The following MROH1 variants were observed in gnomAD, a reference collection of about 807,000 sequenced individuals.
The protein encoded by MROH1 is maestro heat-like repeat-containing protein family member 1.
A neutral mutation model predicts 116.5 loss-of-function variants in MROH1; 117 were observed. The ratio of observed to expected loss-of-function variants is 1.00; its 90% CI spans 0.86 to 1.17. The LOEUF (loss-of-function observed/expected upper bound fraction) is 1.17, where lower values mean the gene tolerates loss of function less well. Among genes scored for constraint, MROH1 ranks in the 50% most tolerant of loss-of-function variants. MROH1 has a pLI of 0.00. For synonymous variants in MROH1, 921 were observed against 583.9 expected (o/e 1.58, Z -8.32); for missense variants, 1,873 against 1,338.5 (o/e 1.40, Z -6.23).
Position 144,192,320 on chromosome 8 carries a change from G to C in MROH1, c.867G>C (p.Gln289His), listed in dbSNP as rs1828830520. The C allele has an allele frequency of 6.3e-7, 1 of 1,595,368 alleles. No individual in the cohort carries two copies. Among genetic ancestry groups the C allele is most frequent in the Non-Finnish European group, 8.5e-7 (1 of 1,173,686 alleles). ...ETFYLSKSLG[Q>H]ILEAAVSVGS... ...CCTACCCGGAGCAGAGCCTGGGCCA[G>C]ATCCTCGAGGCAGCTGTGAGTGTGG... The change falls in exon 10 of 44, where the codon CAG (glutamine) becomes CAC (histidine). Residue 289 changes from glutamine to histidine, a missense_variant. Transcript: ENST00000326134.
chr8:144,260,381 TGGTTGGGGCAGGGGGA>T lies in MROH1; in HGVS notation c.4380+10_4380+25del. ...CCGGCCTTTCTTCGACAGTGTAGGC[TGGTTGGGGCAGGGGGA>T]GGGAAGAGGGCCCCAGCCCTTCCTG... On this transcript the variant is annotated splice_region_variant and intron_variant, in intron 39 of 43. Coordinates refer to ENST00000326134, the MANE Select transcript of MROH1 (RefSeq NM_032450.3). The T allele has an allele frequency of 1.4e-6, 1 of 713,444 alleles. No individual in the cohort carries two copies. The highest frequency in any genetic ancestry group is 2.6e-6 in the Non-Finnish European group (1 of 390,236). The allele number at this position is 713,444 out of a possible 1,614,324, so 44.2% of individuals were successfully genotyped here.
chr8:144,185,858 G>A lies in MROH1; in HGVS notation c.563-4926G>A, dbSNP rs1185226182. Among the ~76,000 whole-genome samples the A allele has an allele frequency of 3.7e-3, 480 of 128,526 alleles. 7 individuals carry two copies. Among genetic ancestry groups the A allele is most frequent in the African/African-American group, 0.013 (444 of 33,672 alleles). The allele number at this position is 128,526 out of a possible 152,430, so 84.3% of individuals were successfully genotyped here. A position where few individuals can be genotyped will look rare whatever the true frequency, so the allele number is the denominator to read the frequency against. On this transcript the variant is annotated intron_variant, in intron 7 of 43. Transcript: ENST00000326134. ...GGCAGTGTGGGAACCACGGGGGGGCGGTGAGGGGCAGTGCAGGGACCGTGG... is the reference window on the plus strand; with the variant it reads ...GGCAGTGTGGGAACCACGGGGGGGCAGTGAGGGGCAGTGCAGGGACCGTGG...
At chr8:144,218,296 T>G (rs1835720748) in intron 12 of MROH1, among the ~76,000 whole-genome samples, 1 of 151,968 alleles carries the variant, frequency 6.6e-6, no homozygotes, top group African/African-American at 2.4e-5. Context: ...TGCCGAGGTG[T>G]TTTCCAAAGT....
intron 12 of MROH1, among the ~76,000 whole-genome samples, chr8:144,203,989 G>A (rs180929161): frequency 3.0e-4 from 46 of 152,208 alleles, no homozygotes; most frequent in African/African-American, 1.0e-3. Flanking sequence ...GTGCATTTAC[G>A]TATGTACAAA....
chr8:144,245,786 AGTAGCTGAGACTACAG>A (rs1841781969), intron 29 of MROH1, among the ~76,000 whole-genome samples: 2 of 152,010 alleles, frequency 1.3e-5, no homozygotes, highest in African/African-American at 4.8e-5. Flanking sequence ...TGGCCTCCCG[AGTAGCTGAGACTACAG>A]GTGCATGCCA....
At position 144,163,737 on chromosome 8, in the gene MROH1, T is replaced by C. The variant is rs1587785484; in HGVS notation, c.-56-34T>C. On this transcript the variant is annotated intron_variant, in intron 2 of 43. Transcript: ENST00000326134. The surrounding 1 kb of genome is among the most constrained non-coding windows in gnomAD (Gnocchi z 4.4). ...TGTGAACTCAGATATCGTAGAGGCT[T>C]ATGAATTAAATCTTGTGATTTTGGT... 7.3e-7 allele frequency: 1 copy of C among 1,377,322 alleles called. No homozygotes were observed. The highest frequency in any genetic ancestry group is 2.3e-5 in the East Asian group (1 of 43,080). 85.3% of individuals were successfully genotyped at this position (1,377,322 alleles called of 1,614,324 possible). A position where few individuals can be genotyped will look rare whatever the true frequency, so the allele number is the denominator to read the frequency against.
chr8:144,153,197 C>T (rs1424236366), intron 1 of MROH1, among the ~76,000 whole-genome samples: 1 of 146,894 alleles, frequency 6.8e-6, no homozygotes, highest in Non-Finnish European at 1.5e-5. Context: ...GACAGGAATT[C>T]CTTCTTTTTT....
At chr8:144,176,224 T>A (rs1054321430) in intron 4 of MROH1, among the ~76,000 whole-genome samples, 6 of 150,730 alleles carry the variant, frequency 4.0e-5, no homozygotes, top group African/African-American at 1.5e-4. Flanking sequence ...AAAAAAAAAA[T>A]TAGCCAGGAA....
At chr8:144,200,861 CTAGCTCATTCTGGGA>C (rs1244624201) in intron 12 of MROH1, 2 of 296,724 alleles carry the variant, frequency 6.7e-6, no homozygotes, top group Non-Finnish European at 1.3e-5. Flanking sequence ...GCCCACTGCT[CTAGCTCATTCTGGGA>C]TCTATTCAAA....
chr8:144,222,962 G>A (rs1837099230), intron 13 of MROH1, 146 bp from the exon 14 acceptor site: 1 of 1,151,300 alleles, frequency 8.7e-7, no homozygotes, highest in Non-Finnish European at 1.2e-6. Context: ...CCAGGTATGG[G>A]TGCAGGTACA....
chr8:144,239,980 G>C, intron 18 of MROH1, 121 bp from the exon 19 acceptor site: 1 of 711,506 alleles, frequency 1.4e-6, no homozygotes, highest in Non-Finnish European at 2.6e-6. Flanking sequence ...GGAGCAGGTG[G>C]GGGGCAGCGG....
At chr8:144,231,812 G>C (rs541805214) in intron 14 of MROH1, among the ~76,000 whole-genome samples, 1 of 152,196 alleles carries the variant, frequency 6.6e-6, no homozygotes, top group East Asian at 1.9e-4. Flanking sequence ...CCTTCCACTT[G>C]GTTAAAATGC....
At chr8:144,249,080 C>T (rs1373200894) in intron 32 of MROH1, 51 bp downstream of exon 32, 23 of 708,888 alleles carry the variant, frequency 3.2e-5, no homozygotes, top group Middle Eastern at 3.5e-4. Context: ...TGGGAGAGGG[C>T]GCGGTGGGAC....
chr8:144,193,697 C>T (rs370050664), intron 10 of MROH1, among the ~76,000 whole-genome samples: 31 of 152,020 alleles, frequency 2.0e-4, no homozygotes, highest in South Asian at 1.9e-3. Context: ...CAACCTCTGC[C>T]TCTCGGGTAC....
chr8:144,210,462 C>T (rs1372023857), intron 12 of MROH1, among the ~76,000 whole-genome samples: 2 of 152,082 alleles, frequency 1.3e-5, no homozygotes, highest in Non-Finnish European at 2.9e-5. Flanking sequence ...GAGGCCAAGG[C>T]AGGCAGATTA....
At chr8:144,255,053 T>C in intron 34 of MROH1, 75 bp downstream of exon 34, 1 of 680,014 alleles carries the variant, frequency 1.5e-6, no homozygotes, top group Non-Finnish European at 2.7e-6. Flanking sequence ...GGCAGGCCTT[T>C]TGATGAGGTG....
At position 144,261,331 on chromosome 8, in the gene MROH1, C is replaced by T; in HGVS notation, c.4822C>T (p.Leu1608=). 1.4e-6 allele frequency: 1 copy of T among 712,372 alleles called. No individual in the cohort carries two copies. Among genetic ancestry groups the T allele is most frequent in the Non-Finnish European group, 2.6e-6 (1 of 391,862 alleles). 44.1% of individuals were successfully genotyped at this position (712,372 alleles called of 1,614,324 possible). Residue 1608 remains leucine (L), a synonymous_variant, in exon 43 of 44, where the codon CTG becomes TTG. Coordinates refer to ENST00000326134, the MANE Select transcript of MROH1 (RefSeq NM_032450.3). ...GCCCAGGCAGCAGCCGCAGGTGGAC[C>T]TGGACCAGCTCATTGCGGGTGAGCA... ...SEPRQQPQVD[L]DQLIAALQIL...
At position 144,247,389 on chromosome 8, in the gene MROH1, C is replaced by T; in HGVS notation, c.2960C>T (p.Ala987Val). 1 of 770,990 alleles carries T rather than the reference C, an allele frequency of 1.3e-6. No individual in the cohort carries two copies. Among genetic ancestry groups the T allele is most frequent in the Non-Finnish European group, 2.4e-6 (1 of 413,718 alleles). 47.8% of individuals were successfully genotyped at this position (770,990 alleles called of 1,614,324 possible). Residue 987 changes from alanine (A) to valine (V), a missense_variant, in exon 30 of 44, where the codon GCC becomes GTC. Ala to Val is a moderately conservative substitution (Grantham distance 64). Coordinates refer to ENST00000326134, the MANE Select transcript of MROH1 (RefSeq NM_032450.3). ...ADLWPATRQEAVDCVYSLLYL... is the reference protein window; with the variant it reads ...ADLWPATRQEVVDCVYSLLYL... ...CTGTGGCCTGCCACCCGCCAGGAGGCCGTGGACTGTGTCTACTCCCTGCTG... is the reference window on the plus strand; with the variant it reads ...CTGTGGCCTGCCACCCGCCAGGAGGTCGTGGACTGTGTCTACTCCCTGCTG...
intron 37 of MROH1, 107 bp downstream of exon 37, chr8:144,259,461 T>G (rs1461614487): frequency 2.9e-6 from 2 of 700,886 alleles, no homozygotes; most frequent in African/African-American, 3.5e-5. Flanking sequence ...GACCGTGGTC[T>G]GTGAGGGAGG....
Sources: allele counts gnomAD v4.1 joint callset (sites outside exome capture counted in the v4.1 genomes callset), GRCh38; gene constraint gnomAD v4.1.1; non-coding constraint Gnocchi (gnomAD v3.1); transcripts MANE v1.5; gene names NCBI Gene and HGNC (gene_info 2026-07-23, HGNC 2026-07-21).